AADACL3: variants seen among roughly 807,000 people sequenced by gnomAD.
AADACL3 encodes arylacetamide deacetylase like 3, also known as arylacetamide deacetylase-like 3.
A neutral mutation model predicts 13.6 loss-of-function variants in AADACL3; 13 were observed. The observed-to-expected ratio is 0.95, with a 90% CI of 0.62 to 1.52. The LOEUF (loss-of-function observed/expected upper bound fraction) is 1.52, where lower values mean the gene tolerates loss of function less well. AADACL3 is among the 40% of genes most tolerant of loss of function. AADACL3 has a pLI of 0.00. For synonymous variants in AADACL3, 195 were observed against 197.0 expected, an observed-to-expected ratio of 0.99 and a Z score of 0.08; for missense variants, 519 against 499.2, an observed-to-expected ratio of 1.04 and a Z score of -0.38.
Position 12,727,363 on chromosome 1 carries a change from A to G in AADACL3, c.*1367A>G, listed in dbSNP as rs556528267. 2.0e-5 allele frequency: 3 copies of G among 152,228 alleles called. No individual in the cohort carries two copies. Among genetic ancestry groups the G allele is most frequent in the Non-Finnish European group, 4.4e-5 (3 of 68,034 alleles). The allele number at this position is 152,228 out of a possible 1,614,324, so 9.4% of individuals were successfully genotyped here. On this transcript the variant is annotated 3_prime_UTR_variant, in exon 4 of 4. Coordinates refer to ENST00000359318, the MANE Select transcript of AADACL3 (RefSeq NM_001103170.3). Reference sequence around the variant, plus strand: ...TAGGGTAAATGGTTGTTGGGTGGACACCAACACTTATTCTACTACAGAAGC... The same window carrying G: ...TAGGGTAAATGGTTGTTGGGTGGACGCCAACACTTATTCTACTACAGAAGC...
intron 3 of AADACL3, among the ~76,000 whole-genome samples, chr1:12,722,313 T>A: frequency 8.4e-6 from 1 of 118,518 alleles, no homozygotes; most frequent in Admixed American, 1.2e-4. Flanking sequence ...GGTGACAGAG[T>A]GAGATTCCGT....
rs1256797821 is a variant in AADACL3, at chr1:12,727,056, A to C, written c.*1060A>C. 6.6e-6 allele frequency: 1 copy of C among 152,170 alleles called. No homozygotes were observed. Among genetic ancestry groups the C allele is most frequent in the East Asian group, 1.9e-4 (1 of 5,186 alleles). 9.4% of individuals were successfully genotyped at this position (152,170 alleles called of 1,614,324 possible). A position where few individuals can be genotyped will look rare whatever the true frequency, so the allele number is the denominator to read the frequency against. The stretch of plus-strand genomic sequence containing the variant: ...GTTAATGCCACCTTCTCCTCTTCAT[A>C]CGGTGGCACTGAGCAGCTTCATGCC... On this transcript the variant is annotated 3_prime_UTR_variant, in exon 4 of 4. Coordinates refer to ENST00000359318, the MANE Select transcript of AADACL3 (RefSeq NM_001103170.3).
intron 3 of AADACL3, among the ~76,000 whole-genome samples, chr1:12,722,948 A>C (rs1271937219): frequency 6.6e-6 from 1 of 152,194 alleles, no homozygotes; most frequent in African/African-American, 2.4e-5. Context: ...TATAGACAGA[A>C]TCAAGCTCTG....
intron 1 of AADACL3, 86 bp from the exon 2 acceptor site, chr1:12,719,389 C>A (rs1648515175): frequency 4.6e-6 from 6 of 1,313,162 alleles, no homozygotes; most frequent in African/African-American, 1.5e-5. Flanking sequence ...CTTTTGCCAC[C>A]TGTGGAGGGC....
In AADACL3 at chr1:12,719,677, T is replaced by C. The variant is rs1569623255; in HGVS notation, c.371T>C (p.Val124Ala). The part of the protein sequence containing the change: ...GIVYYHGGGG[V>A]MGSLKTHHGI... ...GTGTACTACCACGGTGGCGGGGGCG[T>C]CATGGGGAGTTTGAGTAAGAACCAT... Residue 124 changes from valine (V) to alanine (A), a missense_variant, in exon 2 of 4, where the codon GTC becomes GCC. Coordinates refer to ENST00000359318, the MANE Select transcript of AADACL3 (RefSeq NM_001103170.3). 8 of 1,613,894 alleles carry C rather than the reference T, an allele frequency of 5.0e-6. No homozygotes were observed. The highest frequency in any genetic ancestry group is 6.8e-6 in the Non-Finnish European group (8 of 1,179,958).
chr1:12,725,198 CTG>C (rs754790871), intron 3 of AADACL3, 22 bp from the exon 4 acceptor site: 1 of 1,568,940 alleles, frequency 6.4e-7, no homozygotes, highest in South Asian at 1.2e-5. Context: ...GCGTTATCAA[CTG>C]TGTTTCTTGA....
intron 3 of AADACL3, among the ~76,000 whole-genome samples, chr1:12,722,103 G>A (rs1162374240): frequency 2.0e-5 from 3 of 152,070 alleles, no homozygotes; most frequent in Non-Finnish European, 4.4e-5. Flanking sequence ...AAGGTGGGTG[G>A]ATCACTTGAG....
chr1:12,719,716 C>T, intron 2 of AADACL3, 25 bp downstream of exon 2: 1 of 1,601,936 alleles, frequency 6.2e-7, no homozygotes. Context: ...CTCAGACCTC[C>T]TAAAGGGTGG....
At chr1:12,720,244 C>T (rs903982331) in intron 2 of AADACL3, among the ~76,000 whole-genome samples, 1 of 152,104 alleles carries the variant, frequency 6.6e-6, no homozygotes. Flanking sequence ...GGAGAGGAAA[C>T]ACCTTTATTT....
At chr1:12,717,251 G>A (rs1475239081) in intron 1 of AADACL3, among the ~76,000 whole-genome samples, 1 of 152,166 alleles carries the variant, frequency 6.6e-6, no homozygotes, top group Non-Finnish European at 1.5e-5. Flanking sequence ...GGGAACTCTA[G>A]GCTTCTGATC....
chr1:12,725,074 C>A, intron 3 of AADACL3, 148 bp from the exon 4 acceptor site: 1 of 807,388 alleles, frequency 1.2e-6, no homozygotes, highest in Non-Finnish European at 2.0e-6. Context: ...CTTTATGTGT[C>A]TCATCTCATT....
At chr1:12,721,271 A>G (rs1257687186) in intron 3 of AADACL3, among the ~76,000 whole-genome samples, 1 of 152,058 alleles carries the variant, frequency 6.6e-6, no homozygotes, top group Non-Finnish European at 1.5e-5. Flanking sequence ...GTGTGGTGGC[A>G]TATGTCTGTA....
Position 12,726,042 on chromosome 1 carries a change from T to C in AADACL3, c.*46T>C, listed in dbSNP as rs763514907. On this transcript the variant is annotated 3_prime_UTR_variant, in exon 4 of 4. Transcript: ENST00000359318. ...TACTGCGGTGTGGATTCCACTGGCA[T>C]CCAGCCTCCCACAGGGCTCTCTGTT... 1 of 1,558,894 alleles carries C rather than the reference T, an allele frequency of 6.4e-7. No individual in the cohort carries two copies. The highest frequency in any genetic ancestry group is 2.2e-5 in the East Asian group (1 of 44,472).
rs1179092426 is a variant in AADACL3, at chr1:12,725,758, A to G, written c.986A>G (p.Glu329Gly). Residue 329 changes from glutamate to glycine, a missense_variant, in exon 4 of 4, where the codon GAA becomes GGA. Physicochemically the swap from Glu to Gly is moderately conservative, Grantham distance 98 (BLOSUM62 -2). Transcript: ENST00000359318. The stretch of plus-strand genomic sequence containing the variant: ...GTGATGTGCTCGCCCCTGATTGCAG[A>G]AGATGACATAGTGTCTCAGCTCCCG... The part of the protein sequence containing the change: ...LDVMCSPLIA[E>G]DDIVSQLPET... 2.5e-6 allele frequency: 4 copies of G among 1,614,024 alleles called. No homozygotes were observed. Among genetic ancestry groups the G allele is most frequent in the Middle Eastern group, 1.6e-4 (1 of 6,084 alleles).
In AADACL3 at chr1:12,725,665, G is replaced by A. The variant is rs772061836; in HGVS notation, c.893G>A (p.Gly298Asp). 1.9e-6 allele frequency: 3 copies of A among 1,613,976 alleles called. No individual in the cohort carries two copies. Among genetic ancestry groups the A allele is most frequent in the East Asian group, 4.5e-5 (2 of 44,896 alleles). Reference sequence around the variant, plus strand: ...ATCCCTGAGAGGTTTAAGGAGAGGGGTTACCAACTGAAGCCCCATGAGCCC... The same window carrying A: ...ATCCCTGAGAGGTTTAAGGAGAGGGATTACCAACTGAAGCCCCATGAGCCC... ...ENIPERFKER[G>D]YQLKPHEPMN... Residue 298 changes from glycine (G) to aspartate (D), a missense_variant, in exon 4 of 4, where the codon GGT becomes GAT. Transcript: ENST00000359318.
At chr1:12,723,339 A>G (rs1427120165) in intron 3 of AADACL3, among the ~76,000 whole-genome samples, 2 of 152,190 alleles carry the variant, frequency 1.3e-5, no homozygotes, top group Non-Finnish European at 2.9e-5. Flanking sequence ...CTAGGAATAA[A>G]TGTTTACAAG....
At position 12,725,561 on chromosome 1, in the gene AADACL3, G is replaced by A. The variant is rs1638351006; in HGVS notation, c.789G>A (p.Trp263Ter). 1 of 1,614,056 alleles carries A rather than the reference G, an allele frequency of 6.2e-7. No homozygotes were observed. The highest frequency in any genetic ancestry group is 1.3e-5 in the African/African-American group (1 of 74,978). ...AAAACCTGGATTTCAGCTCCTCCTG[G>A]CAAGAGGTCATCATGAAAGGTGCCC... ...FFQNLDFSSS[W>*]QEVIMKGAHL... The change falls in exon 4 of 4, where the codon TGG becomes TGA. Residue 263 changes from tryptophan (W) to a stop codon, truncating the protein, a stop_gained. Coordinates refer to ENST00000359318, the MANE Select transcript of AADACL3 (RefSeq NM_001103170.3). LOFTEE classifies it low-confidence loss of function (END_TRUNC).
At chr1:12,720,555 T>A (rs1347256438) in intron 2 of AADACL3, among the ~76,000 whole-genome samples, 2 of 152,128 alleles carry the variant, frequency 1.3e-5, no homozygotes, top group Non-Finnish European at 2.9e-5. Flanking sequence ...GGCACTATGT[T>A]AGCTCAAGCT....
intron 1 of AADACL3, among the ~76,000 whole-genome samples, chr1:12,718,497 T>C (rs1180826307): frequency 6.6e-6 from 1 of 152,156 alleles, no homozygotes; most frequent in African/African-American, 2.4e-5. Flanking sequence ...TTTACGTATT[T>C]TTAACTCTTT....
Sources: allele counts gnomAD v4.1 joint callset (sites outside exome capture counted in the v4.1 genomes callset), GRCh38; gene constraint gnomAD v4.1.1; transcripts MANE v1.5; gene names NCBI Gene and HGNC (gene_info 2026-07-23, HGNC 2026-07-21).